The following OPA1 variants were observed in gnomAD, a reference collection of about 807,000 sequenced individuals.
The protein encoded by OPA1 is dynamin-like GTPase OPA1, mitochondrial.
A neutral mutation model predicts 152.9 loss-of-function variants in OPA1; 59 were observed. The observed-to-expected ratio is 0.39, with a 90% CI of 0.31 to 0.48. OPA1 has a LOEUF of 0.48. Ranked by LOEUF, OPA1 falls within the 20% of genes least tolerant of loss-of-function variation. The pLI is 0.96. For synonymous variants in OPA1, 400 were observed against 389.9 expected, an observed-to-expected ratio of 1.03 and a Z score of -0.31; for missense variants, 1,008 against 1,216.8, an observed-to-expected ratio of 0.83 and a Z score of 2.55.
At chr3:193,622,226 C>CTTTTT (rs758993120) in intron 6 of OPA1, among the ~76,000 whole-genome samples, 3,553 of 107,796 alleles carry the variant, frequency 0.033, 349 homozygotes, top group African/African-American at 0.057. Context: ...TACTCTCATT[C>CTTTTT]TTTTTTTTTT....
chr3:193,614,790 C>A lies in OPA1; in HGVS notation c.100C>A (p.His34Asn). The A allele has an allele frequency of 6.2e-7, 1 of 1,613,916 alleles. No homozygotes were observed. The highest frequency in any genetic ancestry group is 1.1e-5 in the South Asian group (1 of 91,074). ...IKGSLPLQKL[H>N]LVSRSIYHSH... ...AGGAAGTTTACCACTACAAAAACTA[C>A]ATCTGGTTTCACGAAGCATTTATCA... The change falls in exon 2 of 31, where the codon CAT (histidine) becomes AAT (asparagine). Residue 34 changes from histidine to asparagine, a missense_variant. Physicochemically the swap from His to Asn is moderately conservative, Grantham distance 68. Transcript: ENST00000361510.
At chr3:193,625,645 G>C (rs1239223981) in intron 6 of OPA1, among the ~76,000 whole-genome samples, 1 of 151,766 alleles carries the variant, frequency 6.6e-6, no homozygotes, top group Non-Finnish European at 1.5e-5. Context: ...TTGAATAAAT[G>C]AAATATCAAG....
chr3:193,642,746 A>G lies in OPA1; in HGVS notation c.1150-19A>G. On this transcript the variant is annotated intron_variant, in intron 11 of 30. Transcript: ENST00000361510. ...ACTTATAAATACATCATTACCTCTC[A>G]GTTTTCTGTTACTATCAGGTGACTC... is the stretch of plus-strand genomic sequence containing the variant. 1 of 1,551,494 alleles carries G rather than the reference A, an allele frequency of 6.4e-7. No homozygotes were observed. Among genetic ancestry groups the G allele is most frequent in the South Asian group, 1.1e-5 (1 of 89,702 alleles).
intron 5 of OPA1, 198 bp from the exon 6 acceptor site, chr3:193,618,671 T>A (rs1729470727): frequency 1.8e-6 from 1 of 565,946 alleles, no homozygotes; most frequent in Non-Finnish European, 3.1e-6. Context: ...CTGCGATTGC[T>A]ATAGTTAGTT....
At chr3:193,633,920 T>C (rs1732505551) in intron 8 of OPA1, among the ~76,000 whole-genome samples, 1 of 152,180 alleles carries the variant, frequency 6.6e-6, no homozygotes, top group Non-Finnish European at 1.5e-5. Flanking sequence ...TGTAAAAATA[T>C]GTTTATAGTA....
chr3:193,659,033 A>C (rs1714589531), intron 24 of OPA1, 38 bp downstream of exon 24: 1 of 1,378,192 alleles, frequency 7.3e-7, no homozygotes. Context: ...CTGAGTTCAC[A>C]GTGGTGAAGG....
At chr3:193,607,806 T>C (rs1428209308) in intron 1 of OPA1, among the ~76,000 whole-genome samples, 1 of 152,238 alleles carries the variant, frequency 6.6e-6, no homozygotes, top group Non-Finnish European at 1.5e-5. Context: ...AGAAAGTCTT[T>C]GGTAGCTTGA....
At chr3:193,607,722 T>A (rs1727512269) in intron 1 of OPA1, among the ~76,000 whole-genome samples, 1 of 152,204 alleles carries the variant, frequency 6.6e-6, no homozygotes, top group African/African-American at 2.4e-5. Context: ...TTCTTTGGCT[T>A]AGGATTGACT....
At position 193,642,970 on chromosome 3, in the gene OPA1, A is replaced by T; in HGVS notation, c.1231-5A>T. On this transcript the variant is annotated splice_polypyrimidine_tract_variant and splice_region_variant and intron_variant, in intron 12 of 30. Coordinates refer to ENST00000361510, the MANE Select transcript of OPA1 (RefSeq NM_130837.3). The stretch of plus-strand genomic sequence containing the variant: ...ATTTTCTTAGGATTTTGTGTTTTCC[A>T]TTAGCTTGCAGCATTAAGACATGAA... 8 of 1,613,054 alleles carry T rather than the reference A, an allele frequency of 5.0e-6. No homozygotes were observed. The highest frequency in any genetic ancestry group is 6.8e-6 in the Non-Finnish European group (8 of 1,179,050).
At chr3:193,603,678 A>G (rs1726794681) in intron 1 of OPA1, 1 of 152,278 alleles carries the variant, frequency 6.6e-6, no homozygotes, top group African/African-American at 2.4e-5. Flanking sequence ...AGGTAAGGGC[A>G]GAAAGTTCTG....
chr3:193,617,860 T>C (rs1364790191), intron 5 of OPA1, 23 bp downstream of exon 5: 5 of 1,585,882 alleles, frequency 3.2e-6, no homozygotes, highest in Admixed American at 1.7e-5. Context: ...ACATTTTTGC[T>C]GACCTTAACA....
intron 21 of OPA1, among the ~76,000 whole-genome samples, chr3:193,654,227 G>A (rs2109131974): frequency 1.3e-5 from 2 of 152,314 alleles, no homozygotes; most frequent in South Asian, 4.1e-4. Context: ...TAGATGCGGT[G>A]TCTCACACTT....
At chr3:193,673,981 G>A (rs1035818295) in intron 29 of OPA1, among the ~76,000 whole-genome samples, 4 of 152,150 alleles carry the variant, frequency 2.6e-5, no homozygotes, top group East Asian at 3.9e-4. Context: ...GACTCCCTAC[G>A]CGAGGTGGCA....
chr3:193,663,472 C>A (rs554402889), intron 26 of OPA1, among the ~76,000 whole-genome samples: 1 of 152,066 alleles, frequency 6.6e-6, no homozygotes, highest in Non-Finnish European at 1.5e-5. Flanking sequence ...AAATAGTCTA[C>A]ACTTTAGGCT....
chr3:193,615,886 T>C, intron 3 of OPA1, 116 bp downstream of exon 3: 1 of 722,606 alleles, frequency 1.4e-6, no homozygotes. Context: ...ATTTTAATGA[T>C]ATAAGTAATA....
chr3:193,668,539 A>G, intron 29 of OPA1: 4 of 1,548,318 alleles, frequency 2.6e-6, no homozygotes, highest in Non-Finnish European at 3.5e-6. Flanking sequence ...CCCCAGACAG[A>G]TTCCTTCCTC....
At chr3:193,635,324 T>C (rs1315969479) in intron 8 of OPA1, 94 bp from the exon 9 acceptor site, 1 of 742,252 alleles carries the variant, frequency 1.3e-6, no homozygotes, top group East Asian at 2.5e-5. Context: ...ATAGGAGATA[T>C]GACTTCAAGA....
At chr3:193,668,941 G>C in intron 29 of OPA1, 1 of 866,312 alleles carries the variant, frequency 1.2e-6, no homozygotes, top group East Asian at 1.1e-4. Flanking sequence ...ACCTCTGTTT[G>C]AGCCTGCCTT....
intron 23 of OPA1, 78 bp downstream of exon 23, chr3:193,657,310 T>C: frequency 2.3e-6 from 3 of 1,295,716 alleles, no homozygotes; most frequent in Non-Finnish European, 3.3e-6. Flanking sequence ...CATAGGAGAC[T>C]TTATATGACT....
Sources: allele counts gnomAD v4.1 joint callset (sites outside exome capture counted in the v4.1 genomes callset), GRCh38; gene constraint gnomAD v4.1.1; transcripts MANE v1.5; gene names NCBI Gene and HGNC (gene_info 2026-07-23, HGNC 2026-07-21).